FMN2: variants seen among roughly 807,000 people sequenced by gnomAD.
The protein encoded by FMN2 is formin 2, also known as formin-2.
In FMN2, 51 loss-of-function variants were observed where a neutral mutation model predicts 142.3. The ratio of observed to expected loss-of-function variants is 0.36; its 90% confidence interval spans 0.29 to 0.45. The LOEUF (loss-of-function observed/expected upper bound fraction) is 0.45, where lower values mean the gene tolerates loss of function less well. FMN2 is among the 20% of genes least tolerant of loss of function. FMN2 has a pLI of 1.00. For missense variants in FMN2, 1,936 were observed against 2,122.8 expected (o/e 0.91, Z 1.73); for synonymous variants, 882 against 869.8 (o/e 1.01, Z -0.25).
At chr1:240,464,568 AG>A (rs1371663222) in intron 16 of FMN2, among the ~76,000 whole-genome samples, 1 of 152,140 alleles carries the variant, frequency 6.6e-6, no homozygotes, top group East Asian at 1.9e-4. Flanking sequence ...ATTGTCAAGG[AG>A]TCCTAGATTT....
At chr1:240,241,825 CT>C (rs71567282) in intron 6 of FMN2, among the ~76,000 whole-genome samples, 2,127 of 94,424 alleles carry the variant, frequency 0.023, 1 homozygote, top group Non-Finnish European at 0.034. Context: ...GTGTGCCTTG[CT>C]TTTTTTTTTT....
chr1:240,355,220 A>T (rs1477647146), intron 13 of FMN2, among the ~76,000 whole-genome samples: 1 of 152,182 alleles, frequency 6.6e-6, no homozygotes, highest in East Asian at 1.9e-4. Flanking sequence ...TATGGGCTTC[A>T]TTCTAAGGAT....
intron 15 of FMN2, among the ~76,000 whole-genome samples, chr1:240,408,174 G>A (rs964317849): frequency 6.6e-6 from 1 of 152,024 alleles, no homozygotes; most frequent in Admixed American, 6.6e-5. Context: ...AGTTTTTCGG[G>A]GAAAAATTGA....
intron 1 of FMN2, among the ~76,000 whole-genome samples, chr1:240,113,557 CAAAAAA>C (rs34741987): frequency 1.5e-4 from 13 of 88,498 alleles, no homozygotes; most frequent in African/African-American, 6.2e-4. Flanking sequence ...GACTCCGTCT[CAAAAAA>C]AAAAAAAAAA....
At chr1:240,357,189 G>T (rs1672299531) in intron 14 of FMN2, among the ~76,000 whole-genome samples, 1 of 152,048 alleles carries the variant, frequency 6.6e-6, no homozygotes, top group Non-Finnish European at 1.5e-5. Flanking sequence ...ATTCATTTTT[G>T]TCTTATAAGA....
rs1670235606 is a variant in FMN2 at position 240,302,574 on chromosome 1, G to A, written c.4215+7691G>A. Among the ~76,000 whole-genome samples, 3 of 151,968 alleles carry A rather than the reference G, an allele frequency of 2.0e-5. No homozygotes were observed. In the South Asian group the frequency reaches 6.2e-4, roughly 32 times the overall value. On this transcript the variant is annotated intron_variant, in intron 8 of 17. Transcript: ENST00000319653. ...AAAAAGTTTGACAGTATCAAATGTT[G>A]AAGAGCATTTGAAAAATTAGTAACT...
At chr1:240,284,092 G>A (rs1415537334) in intron 7 of FMN2, among the ~76,000 whole-genome samples, 1 of 152,098 alleles carries the variant, frequency 6.6e-6, no homozygotes, top group Non-Finnish European at 1.5e-5. Flanking sequence ...AAAATTTTGG[G>A]CCCTAACATA....
intron 8 of FMN2, among the ~76,000 whole-genome samples, chr1:240,295,222 A>ACT (rs1553357598): frequency 4.1e-4 from 60 of 147,596 alleles, no homozygotes; most frequent in African/African-American, 1.3e-3. Flanking sequence ...ACACACACAC[A>ACT]CACTCACACA....
chr1:240,329,054 T>A, intron 8 of FMN2, 22 bp from the exon 9 acceptor site: 2 of 1,606,008 alleles, frequency 1.2e-6, no homozygotes. Flanking sequence ...TTTGAAAAAC[T>A]ATTTGGTTTT....
At chr1:240,454,432 C>A (rs556159171) in intron 16 of FMN2, among the ~76,000 whole-genome samples, 4 of 152,256 alleles carry the variant, frequency 2.6e-5, no homozygotes, top group Admixed American at 2.6e-4. Context: ...ATCCCAGCTA[C>A]TCAGGAGGCT....
At chr1:240,191,490 T>C (rs1665695948) in intron 4 of FMN2, among the ~76,000 whole-genome samples, 1 of 152,254 alleles carries the variant, frequency 6.6e-6, no homozygotes. Flanking sequence ...CACTTACTGA[T>C]TATTTTAATT....
intron 14 of FMN2, among the ~76,000 whole-genome samples, chr1:240,384,375 G>C (rs1249736034): frequency 1.3e-5 from 2 of 152,112 alleles, no homozygotes; most frequent in African/African-American, 4.8e-5. Flanking sequence ...CTTTTGCTTT[G>C]CCTGTTGTAT....
intron 16 of FMN2, among the ~76,000 whole-genome samples, chr1:240,465,297 C>CT (rs1553268346): frequency 6.9e-5 from 10 of 144,736 alleles, no homozygotes; most frequent in South Asian, 2.2e-4. Flanking sequence ...CCACCTCTCT[C>CT]CTCCCCACAC....
At position 240,208,545 on chromosome 1, in the gene FMN2, C is replaced by G. The variant is rs1558365891; in HGVS notation, c.3733C>G (p.Leu1245Val). ...PPLLPVSGPP[L>V]LPQVGSSTLP... ...TCTGCTTCCTGTATCAGGCCCTCCA[C>G]TCCTCCCACAAGTTGGGAGTAGCAC... The change falls in exon 5 of 18, where the codon CTC becomes GTC. Residue 1245 changes from leucine (L) to valine (V), a missense_variant. Transcript: ENST00000319653. 6.2e-7 allele frequency: 1 copy of G among 1,613,452 alleles called. No individual in the cohort carries two copies. The highest frequency in any genetic ancestry group is 1.1e-5 in the South Asian group (1 of 91,038).
In FMN2 at chr1:240,091,948, G is replaced by T; in HGVS notation, c.-162G>T. 1 of 1,224,454 alleles carries T rather than the reference G, an allele frequency of 8.2e-7. No individual in the cohort carries two copies. Among genetic ancestry groups the T allele is most frequent in the Non-Finnish European group, 1.1e-6 (1 of 940,380 alleles). The allele number at this position is 1,224,454 out of a possible 1,614,324, so 75.8% of individuals were successfully genotyped here. The stretch of plus-strand genomic sequence containing the variant: ...CGCATTATGCAAAGCGGCGGCAGAT[G>T]CGAGCGGGGCCAGCCGGGCGCGCGT... On this transcript the variant is annotated 5_prime_UTR_variant, in exon 1 of 18. The change abolishes an upstream ATG in the 5' untranslated region. Transcript: ENST00000319653.
At chr1:240,143,625 T>C (rs978605052) in intron 2 of FMN2, 2 of 1,610,026 alleles carry the variant, frequency 1.2e-6, no homozygotes, top group African/African-American at 2.7e-5. Context: ...AACTGCGGAA[T>C]GGCTCTGATG....
intron 15 of FMN2, among the ~76,000 whole-genome samples, chr1:240,417,818 A>G (rs910814021): frequency 6.6e-6 from 1 of 152,192 alleles, no homozygotes; most frequent in African/African-American, 2.4e-5. Context: ...TCACATCTAC[A>G]TCATTACTAA....
chr1:240,160,270 C>A (rs1572002724), intron 2 of FMN2, among the ~76,000 whole-genome samples: 1 of 150,918 alleles, frequency 6.6e-6, no homozygotes, highest in Admixed American at 6.6e-5. Context: ...TAGCTACTAT[C>A]CCTGATAAAT....
chr1:240,166,855 C>G (rs1317312249), intron 2 of FMN2, among the ~76,000 whole-genome samples: 1 of 152,232 alleles, frequency 6.6e-6, no homozygotes, highest in Non-Finnish European at 1.5e-5. Flanking sequence ...GGCGCAGCGG[C>G]TCACGCCTGT....
Sources: allele counts gnomAD v4.1 joint callset (sites outside exome capture counted in the v4.1 genomes callset), GRCh38; gene constraint gnomAD v4.1.1; transcripts MANE v1.5; gene names NCBI Gene and HGNC (gene_info 2026-07-23, HGNC 2026-07-21).